Variants in CBFA2T2 observed in about 807,000 individuals in gnomAD.
The protein encoded by CBFA2T2 is protein CBFA2T2.
Under a neutral mutation model 62.2 loss-of-function variants are expected in CBFA2T2, and 11 were observed. The ratio of observed to expected loss-of-function variants is 0.18; its 90% CI spans 0.11 to 0.29. The LOEUF is 0.29. CBFA2T2 is among the 10% of genes least tolerant of loss of function. The probability of loss-of-function intolerance (pLI) is 1.00; values close to 1 mark genes in which losing one functional copy is unlikely to be tolerated. For missense variants in CBFA2T2, 592 were observed against 774.1 expected (o/e 0.76, Z 2.79); for synonymous variants, 295 against 287.5 (o/e 1.03, Z -0.27).
chr20:33,613,675 G>T (rs988955118), intron 3 of CBFA2T2, among the ~76,000 whole-genome samples: 3 of 152,098 alleles, frequency 2.0e-5, no homozygotes, highest in Non-Finnish European at 2.9e-5. Context: ...CATACTGTTC[G>T]CAGAACCACT....
At chr20:33,611,422 T>A in intron 3 of CBFA2T2, 87 bp downstream of exon 3, 1 of 1,512,878 alleles carries the variant, frequency 6.6e-7, no homozygotes, top group Non-Finnish European at 9.0e-7. Flanking sequence ...TTCTGCTCAT[T>A]TTCAAACCCA....
intron 1 of CBFA2T2, among the ~76,000 whole-genome samples, chr20:33,538,904 T>C (rs2146876396): frequency 6.6e-6 from 1 of 152,256 alleles, no homozygotes; most frequent in East Asian, 1.9e-4. Context: ...CAGTCTATGT[T>C]GTCTTCAGAA....
In CBFA2T2 at chr20:33,555,031, C is replaced by T. The variant is rs115615129; in HGVS notation, c.35-51925C>T. Among the ~76,000 whole-genome samples the T allele has an allele frequency of 5.9e-3, 901 of 152,244 alleles. 7 individuals are homozygous for T. The highest frequency in any genetic ancestry group is 0.021 in the African/African-American group (865 of 41,522). The stretch of plus-strand genomic sequence containing the variant: ...GCAGCATTCAAAACTGGAAGAAGTT[C>T]AGAGAGCTCTGCTTTAGAAGCAGGC... On this transcript the variant is annotated intron_variant, in intron 1 of 10. Transcript: ENST00000342704.
intron 2 of CBFA2T2, among the ~76,000 whole-genome samples, chr20:33,610,205 C>T (rs1052108751): frequency 1.3e-5 from 2 of 152,248 alleles, no homozygotes; most frequent in South Asian, 4.2e-4. Flanking sequence ...TGGGAGGACA[C>T]CTGAGTCCAG....
chr20:33,578,959 G>A (rs541159120), intron 1 of CBFA2T2, among the ~76,000 whole-genome samples: 8 of 152,256 alleles, frequency 5.3e-5, no homozygotes, highest in Non-Finnish European at 7.4e-5. Context: ...AGAAGATGCC[G>A]TAACATGTAC....
In CBFA2T2 at chr20:33,644,333, C is replaced by G. The variant is rs368061784; in HGVS notation, c.1489-14C>G. Reference sequence around the variant, plus strand: ...CAATCCCAGCAACCACTAACTGATGCCTGTGTCTTGCAGAACTGCTGGAAC... The same window carrying G: ...CAATCCCAGCAACCACTAACTGATGGCTGTGTCTTGCAGAACTGCTGGAAC... On this transcript the variant is annotated splice_polypyrimidine_tract_variant and intron_variant, in intron 10 of 10. Coordinates refer to ENST00000342704, the MANE Select transcript of CBFA2T2 (RefSeq NM_001032999.3). 68 of 1,601,510 alleles carry G rather than the reference C, an allele frequency of 4.2e-5. No individual in the cohort carries two copies. The highest frequency in any genetic ancestry group is 5.6e-5 in the Non-Finnish European group (66 of 1,171,282).
At chr20:33,623,768 C>A (rs1327251916) in intron 5 of CBFA2T2, 2 of 711,094 alleles carry the variant, frequency 2.8e-6, no homozygotes, top group Non-Finnish European at 5.2e-6. Context: ...TATTCCAATA[C>A]CTAGCTGCAT....
chr20:33,592,729 C>T (rs572467841), intron 1 of CBFA2T2, among the ~76,000 whole-genome samples: 1 of 151,948 alleles, frequency 6.6e-6, no homozygotes, highest in South Asian at 2.1e-4. Context: ...TTACTTGACA[C>T]TAGGGAGACT....
chr20:33,594,124 A>T (rs1489743676), intron 1 of CBFA2T2, among the ~76,000 whole-genome samples: 1 of 152,248 alleles, frequency 6.6e-6, no homozygotes, highest in African/African-American at 2.4e-5. Flanking sequence ...AGTCCAGGTG[A>T]GAGATGACAG....
intron 1 of CBFA2T2, among the ~76,000 whole-genome samples, chr20:33,493,039 C>T (rs757028556): frequency 3.4e-4 from 51 of 148,926 alleles, no homozygotes; most frequent in Non-Finnish European, 6.4e-4. Context: ...AAGTGTGAGC[C>T]TCTGCACCCG....
chr20:33,634,691 AAAAAAG>A (rs1380118805), intron 8 of CBFA2T2, among the ~76,000 whole-genome samples: 3 of 144,404 alleles, frequency 2.1e-5, no homozygotes, highest in Admixed American at 7.0e-5. Flanking sequence ...AAAAAAAAAA[AAAAAAG>A]AATCTGAATA....
intron 1 of CBFA2T2, among the ~76,000 whole-genome samples, chr20:33,571,218 T>C (rs139413435): frequency 3.4e-4 from 52 of 152,340 alleles, no homozygotes; most frequent in African/African-American, 1.2e-3. Flanking sequence ...TATGTTGTTT[T>C]TTGGAGTCAG....
chr20:33,541,550 G>A (rs2012409734), intron 1 of CBFA2T2, among the ~76,000 whole-genome samples: 1 of 152,226 alleles, frequency 6.6e-6, no homozygotes, highest in South Asian at 2.1e-4. Flanking sequence ...TGTTACTCAG[G>A]CAGTGGCTTG....
At chr20:33,635,109 G>A (rs2016590677) in intron 8 of CBFA2T2, among the ~76,000 whole-genome samples, 1 of 152,156 alleles carries the variant, frequency 6.6e-6, no homozygotes, top group Admixed American at 6.5e-5. Context: ...GACAGTTCCA[G>A]GTTGAATCAG....
At chr20:33,599,402 GAA>G (rs1409110257) in intron 1 of CBFA2T2, among the ~76,000 whole-genome samples, 1 of 152,142 alleles carries the variant, frequency 6.6e-6, no homozygotes, top group Admixed American at 6.5e-5. Flanking sequence ...CCTTTGGCAG[GAA>G]AAGTTTCCTG....
At chr20:33,505,857 GA>G (rs1403136774) in intron 1 of CBFA2T2, among the ~76,000 whole-genome samples, 2 of 152,072 alleles carry the variant, frequency 1.3e-5, no homozygotes, top group African/African-American at 4.8e-5. Flanking sequence ...TTGGGAGGCT[GA>G]GGCACATGGA....
chr20:33,560,334 G>A (rs12481702), intron 1 of CBFA2T2, among the ~76,000 whole-genome samples: 7,696 of 152,270 alleles, frequency 0.051, 509 homozygotes, highest in Admixed American at 0.16. Context: ...CAGCAGTGGG[G>A]TGTAGTGCTC....
chr20:33,597,840 G>A (rs1035951608), intron 1 of CBFA2T2, among the ~76,000 whole-genome samples: 4 of 152,192 alleles, frequency 2.6e-5, no homozygotes, highest in East Asian at 3.9e-4. Flanking sequence ...GTCTCATATC[G>A]GGGAATCTGC....
chr20:33,618,212 C>A (rs908707767), intron 3 of CBFA2T2, among the ~76,000 whole-genome samples: 1 of 145,508 alleles, frequency 6.9e-6, no homozygotes, highest in South Asian at 2.1e-4. Flanking sequence ...ATTGTGATAG[C>A]GTGGGGGTAA....
Sources: gnomAD v4.1 joint callset for allele counts (sites outside exome capture counted in the v4.1 genomes callset) on GRCh38, gnomAD v4.1.1 for gene constraint, MANE v1.5 for transcripts, NCBI Gene and HGNC (gene_info 2026-07-23, HGNC 2026-07-21) for gene names.